Variants in CSTA observed in about 807,000 individuals in gnomAD.
The protein encoded by CSTA is cystatin-A.
A neutral mutation model predicts 9.2 loss-of-function variants in CSTA; 9 were observed. That is an observed-to-expected ratio of 0.97 (90% CI 0.59 to 1.70). The LOEUF (loss-of-function observed/expected upper bound fraction) is 1.70. Ranked by LOEUF, CSTA falls within the 40% of genes most tolerant of loss-of-function variation. The probability of loss-of-function intolerance (pLI) is 0.00; values close to 1 mark genes in which losing one functional copy is unlikely to be tolerated. For synonymous variants in CSTA, 36 were observed against 40.6 expected, an observed-to-expected ratio of 0.89 and a Z score of 0.43; for missense variants, 118 against 113.1, an observed-to-expected ratio of 1.04 and a Z score of -0.20.
chr3:122,330,767 G>T (rs542381389), intron 1 of CSTA, among the ~76,000 whole-genome samples: 1 of 152,304 alleles, frequency 6.6e-6, no homozygotes, highest in East Asian at 1.9e-4. Flanking sequence ...AGACAGAACT[G>T]TGTGAATTGC....
At chr3:122,326,764 T>C (rs1199513581) in intron 1 of CSTA, among the ~76,000 whole-genome samples, 1 of 152,250 alleles carries the variant, frequency 6.6e-6, no homozygotes, top group Non-Finnish European at 1.5e-5. Context: ...AATGTGCACA[T>C]GAATCACCTG....
intron 1 of CSTA, among the ~76,000 whole-genome samples, chr3:122,332,380 C>T (rs1347340128): frequency 1.3e-5 from 2 of 152,230 alleles, no homozygotes; most frequent in Non-Finnish European, 2.9e-5. Flanking sequence ...TCACATCTTA[C>T]TGGCCCTACT....
In CSTA at chr3:122,336,186, G is replaced by A. The variant is rs571730046; in HGVS notation, c.67-1361G>A. ...AAGAGACACAGCACCCAAATCTTGG[G>A]TCTTAAATACCGTTCTCCAATAAAA... On this transcript the variant is annotated intron_variant, in intron 1 of 2. Transcript: ENST00000264474. 2.0e-5 allele frequency among the ~76,000 whole-genome samples: 3 copies of A among 152,296 alleles called. No homozygotes were observed. The East Asian group carries it at 5.8e-4, about 29-fold the overall frequency.
intron 2 of CSTA, 49 bp downstream of exon 2, chr3:122,337,697 T>C: frequency 8.6e-7 from 1 of 1,162,536 alleles, no homozygotes; most frequent in Non-Finnish European, 1.3e-6. Flanking sequence ...TTTCTCATTT[T>C]ATGTAAAATA....
At chr3:122,329,308 T>C (rs2107665461) in intron 1 of CSTA, among the ~76,000 whole-genome samples, 1 of 151,386 alleles carries the variant, frequency 6.6e-6, no homozygotes, top group Non-Finnish European at 1.5e-5. Context: ...GTGCGGTGGC[T>C]CTCGGCTGTA....
intron 1 of CSTA, among the ~76,000 whole-genome samples, chr3:122,330,728 T>C (rs2075199517): frequency 6.6e-6 from 1 of 152,210 alleles, no homozygotes; most frequent in African/African-American, 2.4e-5. Flanking sequence ...ACAACTGTGG[T>C]CTTTTCATTC....
chr3:122,332,725 C>T (rs953327455), intron 1 of CSTA, among the ~76,000 whole-genome samples: 1 of 152,196 alleles, frequency 6.6e-6, no homozygotes, highest in Non-Finnish European at 1.5e-5. Context: ...GACAAACCTC[C>T]ACTGTATTCC....
intron 1 of CSTA, among the ~76,000 whole-genome samples, chr3:122,333,540 G>GAAAGAAAGAAAGAAAGAAAGA (rs1274127478): frequency 1.8e-5 from 2 of 112,078 alleles, no homozygotes; most frequent in South Asian, 6.6e-4. Context: ...AGAAAAGAAA[G>GAAAGAAAGAAAGAAAGAAAGA]AAGAAAGAAA....
intron 1 of CSTA, among the ~76,000 whole-genome samples, chr3:122,334,624 C>T (rs2075226494): frequency 6.6e-6 from 1 of 152,136 alleles, no homozygotes; most frequent in African/African-American, 2.4e-5. Flanking sequence ...TCTCAATAAA[C>T]AAGGTACATT....
chr3:122,337,798 A>G, intron 2 of CSTA, 150 bp downstream of exon 2: 1 of 700,338 alleles, frequency 1.4e-6, no homozygotes, highest in Non-Finnish European at 2.6e-6. Flanking sequence ...TGGACTCTCA[A>G]ATTTGGTAGA....
chr3:122,334,309 A>G (rs966901354), intron 1 of CSTA, among the ~76,000 whole-genome samples: 1 of 152,162 alleles, frequency 6.6e-6, no homozygotes, highest in African/African-American at 2.4e-5. Flanking sequence ...CAGTTTGCAT[A>G]TGTCTACATC....
intron 2 of CSTA, among the ~76,000 whole-genome samples, chr3:122,339,302 AATTTATTGAGC>A (rs1281964783): frequency 1.3e-4 from 20 of 152,202 alleles, no homozygotes; most frequent in African/African-American, 4.8e-4. Flanking sequence ...ATAAGCTGGA[AATTTATTGAGC>A]ACTTATAATT....
chr3:122,331,250 C>G (rs1030784205), intron 1 of CSTA, among the ~76,000 whole-genome samples: 1 of 152,054 alleles, frequency 6.6e-6, no homozygotes, highest in Non-Finnish European at 1.5e-5. Context: ...TGCATACCAT[C>G]CTGGGCACAC....
In CSTA at chr3:122,341,741, A is replaced by T; in HGVS notation, c.*174A>T. 1.3e-6 allele frequency: 1 copy of T among 777,160 alleles called. No homozygotes were observed. Among genetic ancestry groups the T allele is most frequent in the Non-Finnish European group, 2.0e-6 (1 of 495,174 alleles). The allele number at this position is 777,160 out of a possible 1,614,324, so 48.1% of individuals were successfully genotyped here. A position where few individuals can be genotyped will look rare whatever the true frequency, so the allele number is the denominator to read the frequency against. ...CCTTTTCTTTCTCAAAATCAGTGTT[A>T]TTGCTTTAGAGTATAAACTCCATAT... On this transcript the variant is annotated 3_prime_UTR_variant, in exon 3 of 3. Coordinates refer to ENST00000264474, the MANE Select transcript of CSTA (RefSeq NM_005213.4).
chr3:122,341,389 C>A (rs763771366), intron 2 of CSTA, 50 bp from the exon 3 acceptor site: 2 of 1,602,014 alleles, frequency 1.2e-6, no homozygotes, highest in Non-Finnish European at 1.7e-6. Flanking sequence ...TTGATGTAGA[C>A]CCATTTGAAT....
intron 1 of CSTA, among the ~76,000 whole-genome samples, chr3:122,330,023 C>T (rs923096222): frequency 1.3e-4 from 20 of 152,268 alleles, no homozygotes; most frequent in Middle Eastern, 3.4e-3. Flanking sequence ...AGCACTTTCA[C>T]GTCAATTATA....
rs757504082 is a variant in CSTA, at chr3:122,341,584, T to G, written c.*17T>G. 3 of 1,613,938 alleles carry G rather than the reference T, an allele frequency of 1.9e-6. No homozygotes were observed. Among genetic ancestry groups the G allele is most frequent in the African/African-American group, 2.7e-5 (2 of 74,910 alleles). On this transcript the variant is annotated 3_prime_UTR_variant, in exon 3 of 3. Transcript: ENST00000264474. Reference sequence around the variant, plus strand: ...GGCTTTTAGCAGCATGTACCCAAAGTGTTCTGATTCCTTCAACTGGCTACT... The same window carrying G: ...GGCTTTTAGCAGCATGTACCCAAAGGGTTCTGATTCCTTCAACTGGCTACT...
At chr3:122,334,331 T>G (rs190187421) in intron 1 of CSTA, among the ~76,000 whole-genome samples, 19 of 152,276 alleles carry the variant, frequency 1.2e-4, no homozygotes, top group Non-Finnish European at 2.4e-4. Context: ...TTGAAAACAG[T>G]TCTGGTACTC....
chr3:122,325,337 A>C lies in CSTA; in HGVS notation c.45A>C (p.Glu15Asp). ...GLSEAKPATPEIQEIVDKVKP... is the reference protein window; with the variant it reads ...GLSEAKPATPDIQEIVDKVKP... Reference sequence around the variant, plus strand: ...CTGAGGCCAAACCCGCCACTCCAGAAATCCAGGAGATTGTTGATAAGGTGA... The same window carrying C: ...CTGAGGCCAAACCCGCCACTCCAGACATCCAGGAGATTGTTGATAAGGTGA... Residue 15 changes from glutamate (E) to aspartate (D), a missense_variant, in exon 1 of 3, where the codon GAA becomes GAC. Coordinates refer to ENST00000264474, the MANE Select transcript of CSTA (RefSeq NM_005213.4). 2.5e-6 allele frequency: 4 copies of C among 1,614,202 alleles called. No individual in the cohort carries two copies. The highest frequency in any genetic ancestry group is 3.4e-6 in the Non-Finnish European group (4 of 1,180,032).
Sources: gnomAD v4.1 joint callset for allele counts (sites outside exome capture counted in the v4.1 genomes callset) on GRCh38, gnomAD v4.1.1 for gene constraint, MANE v1.5 for transcripts, NCBI Gene and HGNC (gene_info 2026-07-23, HGNC 2026-07-21) for gene names.